GCNT1: variants seen among roughly 807,000 people sequenced by gnomAD.
GCNT1 encodes beta-1,3-galactosyl-O-glycosyl-glycoprotein beta-1,6-N-acetylglucosaminyltransferase.
Under a neutral mutation model 26.2 loss-of-function variants are expected in GCNT1, and 16 were observed. The ratio of observed to expected loss-of-function variants is 0.61; its 90% CI spans 0.41 to 0.93. GCNT1 has a LOEUF of 0.93. Ranked by LOEUF, GCNT1 falls within the 40% of genes least tolerant of loss-of-function variation. The pLI, the probability that GCNT1 is intolerant of heterozygous loss-of-function variation, is 0.00. For synonymous variants in GCNT1, 183 were observed against 190.8 expected (o/e 0.96, Z 0.34); for missense variants, 477 against 526.7 (o/e 0.91, Z 0.92).
At chr9:76,456,302 T>G (rs965711925), upstream of GCNT1, among the ~76,000 whole-genome samples, 8 of 152,212 alleles carry the variant, frequency 5.3e-5, no homozygotes, top group Non-Finnish European at 2.9e-5. Flanking sequence ...TAGATTTGTT[T>G]GTTTGTTTTA....
chr9:76,454,842 C>CT (rs1183951605), upstream of GCNT1, among the ~76,000 whole-genome samples: 766 of 105,638 alleles, frequency 7.3e-3, 15 homozygotes, highest in African/African-American at 0.011. Context: ...CTTTTCTTTT[C>CT]TTTTTTTTTT....
At chr9:76,488,209 A>G (rs898981122) in intron 2 of GCNT1, among the ~76,000 whole-genome samples, 29 of 152,270 alleles carry the variant, frequency 1.9e-4, no homozygotes, top group Middle Eastern at 3.4e-3. Context: ...GTGTGGGTCT[A>G]TTGTCATCCA....
intron 2 of GCNT1, among the ~76,000 whole-genome samples, chr9:76,473,443 T>A (rs967614748): frequency 1.3e-5 from 2 of 152,160 alleles, no homozygotes; most frequent in African/African-American, 4.8e-5. Context: ...TCTGAAAAAG[T>A]TACCCTTAGA....
chr9:76,445,793 G>T (rs1007992604), intron 1 of GCNT1, among the ~76,000 whole-genome samples: 1 of 151,826 alleles, frequency 6.6e-6, no homozygotes, highest in African/African-American at 2.4e-5. Context: ...TGGACAACAT[G>T]GTGAGACTCC....
chr9:76,412,779 C>G, the GCNT1 span, among the ~76,000 whole-genome samples: 1 of 152,166 alleles, frequency 6.6e-6, no homozygotes, highest in African/African-American at 2.4e-5. Context: ...GTGACCACCT[C>G]CCTATCAGAC....
upstream of GCNT1, among the ~76,000 whole-genome samples, chr9:76,440,177 C>A (rs1458100222): frequency 6.6e-6 from 1 of 151,984 alleles, no homozygotes; most frequent in Non-Finnish European, 1.5e-5. Context: ...AATCTCTCTT[C>A]TTGGCTCAGC....
chr9:76,441,064 C>CAAAAAAA (rs758094129), upstream of GCNT1, among the ~76,000 whole-genome samples: 54 of 129,490 alleles, frequency 4.2e-4, 1 homozygote, highest in Non-Finnish European at 4.8e-4. Flanking sequence ...GACTCCATCT[C>CAAAAAAA]AAAAAAAAAC....
chr9:76,457,341 C>T (rs538583154), upstream of GCNT1, among the ~76,000 whole-genome samples: 8 of 152,318 alleles, frequency 5.3e-5, no homozygotes, highest in Non-Finnish European at 1.0e-4. Context: ...CTCCACCTCC[C>T]GGGTTCAAGC....
At chr9:76,426,570 A>T (rs926392631) in intron 1 of GCNT1, among the ~76,000 whole-genome samples, 3 of 152,102 alleles carry the variant, frequency 2.0e-5, no homozygotes, top group Non-Finnish European at 2.9e-5. Context: ...CGTGTCTCAA[A>T]AAAAAAGAAA....
intron 1 of GCNT1, among the ~76,000 whole-genome samples, chr9:76,447,442 A>C (rs1255708094): frequency 6.6e-6 from 1 of 151,826 alleles, no homozygotes; most frequent in African/African-American, 2.4e-5. Context: ...GAGAGGTTTC[A>C]CCATGTTGCC....
At chr9:76,457,569 T>A (rs1823780250), upstream of GCNT1, among the ~76,000 whole-genome samples, 1 of 152,248 alleles carries the variant, frequency 6.6e-6, no homozygotes, top group South Asian at 2.1e-4. Context: ...TTTAAACTTA[T>A]GTTTAGCAAT....
chr9:76,440,144 C>A (rs911326168), upstream of GCNT1, among the ~76,000 whole-genome samples: 2 of 151,612 alleles, frequency 1.3e-5, no homozygotes, highest in Non-Finnish European at 2.9e-5. Context: ...ACTAACAAAC[C>A]TTTTGAGGTA....
chr9:76,449,627 A>T lies in GCNT1; in HGVS notation c.-290+7312A>T, dbSNP rs985483734. ...CAATTTACCCACACCAGAGAAGCGC[A>T]GCCTCTCCCCATTTCCCTTGTCTAG... is the stretch of plus-strand genomic sequence containing the variant. On this transcript the variant is annotated intron_variant, in intron 1 of 2. Coordinates refer to the GCNT1 transcript ENST00000442371. Among the ~76,000 whole-genome samples the T allele has an allele frequency of 4.6e-5, 7 of 152,202 alleles. No homozygotes were observed. In the East Asian group the frequency reaches 1.3e-3, roughly 29 times the overall value.
chr9:76,416,080 A>G (rs545114227), upstream of GCNT1, among the ~76,000 whole-genome samples: 11 of 152,150 alleles, frequency 7.2e-5, no homozygotes, highest in East Asian at 1.9e-4. Context: ...TCCCACTCCA[A>G]TGTTGCTTTT....
At chr9:76,496,162 A>C (rs1284402857) in intron 2 of GCNT1, among the ~76,000 whole-genome samples, 2 of 152,208 alleles carry the variant, frequency 1.3e-5, no homozygotes, top group East Asian at 3.8e-4. Context: ...GCTTTCCATT[A>C]GGCCTGGTGT....
intron 2 of GCNT1, among the ~76,000 whole-genome samples, chr9:76,478,112 G>A (rs765350088): frequency 4.6e-5 from 7 of 152,222 alleles, no homozygotes; most frequent in African/African-American, 1.7e-4. Context: ...TCAGCAGGAT[G>A]TGGGTGGGGA....
the GCNT1 span, chr9:76,393,982 C>T: frequency 9.6e-7 from 1 of 1,036,314 alleles, no homozygotes; most frequent in Admixed American, 2.3e-5. Flanking sequence ...GGTGTGCTCT[C>T]TGCCCGCGGT....
chr9:76,450,935 C>A (rs11144907), intron 1 of GCNT1, among the ~76,000 whole-genome samples: 2,937 of 152,266 alleles, frequency 0.019, 32 homozygotes, highest in South Asian at 0.029. Flanking sequence ...ATGCTGCCTG[C>A]TCTTAAAAGG....
Position 76,502,716 on chromosome 9 carries a change from A to G in GCNT1, c.335A>G (p.Glu112Gly). Residue 112 changes from glutamate to glycine, a missense_variant, in exon 4 of 4, where the codon GAA becomes GGA. Glu to Gly is a moderately conservative substitution (Grantham distance 98, BLOSUM62 -2). Transcript: ENST00000376730. ...ATCAAGAGACGCAAATATATTGTAG[A>G]ACCCCTTAGTAAAGAAGAGGCGGAG... ...SFIKRRKYIV[E>G]PLSKEEAEFP... is the part of the protein sequence containing the mutation. The G allele has an allele frequency of 1.9e-6, 3 of 1,614,130 alleles. No individual in the cohort carries two copies. Among genetic ancestry groups the G allele is most frequent in the Non-Finnish European group, 2.5e-6 (3 of 1,179,940 alleles).
Sources: allele counts gnomAD v4.1 joint callset (sites outside exome capture counted in the v4.1 genomes callset), GRCh38; gene constraint gnomAD v4.1.1; transcripts MANE v1.5; gene names NCBI Gene and HGNC (gene_info 2026-07-23, HGNC 2026-07-21).